SPDYE5: variants seen among roughly 807,000 people sequenced by gnomAD.
The protein encoded by SPDYE5 is speedy/RINGO cell cycle regulator family member E5.
Under a neutral mutation model 48.5 loss-of-function variants are expected in SPDYE5, and 15 were observed. That is an observed-to-expected ratio of 0.31 (90% confidence interval 0.21 to 0.48). SPDYE5 has a LOEUF of 0.48. SPDYE5 is among the 20% of genes least tolerant of loss of function. The probability of loss-of-function intolerance (pLI) is 0.99; values close to 1 mark genes in which losing one functional copy is unlikely to be tolerated. For missense variants in SPDYE5, 331 were observed against 549.1 expected, an observed-to-expected ratio of 0.60 and a Z score of 3.97; for synonymous variants, 116 against 200.7, an observed-to-expected ratio of 0.58 and a Z score of 3.57.
At chr7:75,501,778 G>A in intron 7 of SPDYE5, 23 bp downstream of exon 7, 2 of 846,836 alleles carry the variant, frequency 2.4e-6, no homozygotes. Context: ...TGGGGAGGTG[G>A]AGGAGGTGGG....
At chr7:75,494,573 A>G (rs1436254568) in intron 2 of SPDYE5, among the ~76,000 whole-genome samples, 1 of 150,316 alleles carries the variant, frequency 6.7e-6, no homozygotes, top group Non-Finnish European at 1.5e-5. Flanking sequence ...GGAGAACCTG[A>G]GGAGGGTGTG....
intron 6 of SPDYE5, among the ~76,000 whole-genome samples, chr7:75,500,765 G>A (rs1183261418): frequency 4.6e-5 from 7 of 152,180 alleles, no homozygotes; most frequent in Non-Finnish European, 1.0e-4. Flanking sequence ...CTGGAATGGA[G>A]TGGCCCAATC....
chr7:75,498,344 G>A (rs1584740045), intron 5 of SPDYE5, among the ~76,000 whole-genome samples: 1 of 151,788 alleles, frequency 6.6e-6, no homozygotes, highest in African/African-American at 2.4e-5. Flanking sequence ...GGTTGGTCCT[G>A]AACACCTGAC....
intron 1 of SPDYE5, among the ~76,000 whole-genome samples, chr7:75,492,721 GAGCCAC>G (rs1792780571): frequency 2.0e-5 from 3 of 152,138 alleles, no homozygotes; most frequent in Non-Finnish European, 4.4e-5. Context: ...TTACAGGCAT[GAGCCAC>G]TGAGCCCAGC....
Position 75,494,119 on chromosome 7 carries a change from G to T in SPDYE5, c.72G>T (p.Pro24=). 2 of 1,535,400 alleles carry T rather than the reference G, an allele frequency of 1.3e-6. No individual in the cohort carries two copies. The highest frequency in any genetic ancestry group is 1.7e-6 in the Non-Finnish European group (2 of 1,146,856). ...AAAAGATCACGACCAGCCGTCAACCGCAACCCCAGAATGAGCAGAGTCCCC... is the reference window on the plus strand; with the variant it reads ...AAAAGATCACGACCAGCCGTCAACCTCAACCCCAGAATGAGCAGAGTCCCC... The part of the protein sequence containing the change: ...ITEKITTSRQ[P]QPQNEQSPQR... Residue 24 remains proline (P), a synonymous_variant, in exon 2 of 9, where the codon CCG becomes CCT. Coordinates refer to ENST00000625065, the MANE Select transcript of SPDYE5 (RefSeq NM_001306141.4).
rs587675781 is a variant in SPDYE5 at position 75,494,012 on chromosome 7, A to G, written c.-36A>G. Reference sequence around the variant, plus strand: ...TCCTAGGCTTGAGAATTGATAACATACTCTTCTGGATCCTAGCAGTGATCA... The same window carrying G: ...TCCTAGGCTTGAGAATTGATAACATGCTCTTCTGGATCCTAGCAGTGATCA... On this transcript the variant is annotated 5_prime_UTR_variant, in exon 2 of 9. The change creates a new upstream start codon in the 5' untranslated region. Coordinates refer to ENST00000625065, the MANE Select transcript of SPDYE5 (RefSeq NM_001306141.4). 3,089 of 1,409,242 alleles carry G rather than the reference A, an allele frequency of 2.2e-3. 75 individuals carry two copies. In the African/African-American group the frequency reaches 0.04, roughly 18 times the overall value. 87.3% of individuals were successfully genotyped at this position (1,409,242 alleles called of 1,614,324 possible). A position where few individuals can be genotyped will look rare whatever the true frequency, so the allele number is the denominator to read the frequency against.
intron 1 of SPDYE5, among the ~76,000 whole-genome samples, 103 bp downstream of exon 1, chr7:75,492,544 T>C (rs1792773880): frequency 6.6e-6 from 1 of 151,972 alleles, no homozygotes; most frequent in South Asian, 2.1e-4. Context: ...GTTCAAGTGA[T>C]TCTCCAGCTC....
At chr7:75,495,641 G>C (rs1392406111) in intron 3 of SPDYE5, among the ~76,000 whole-genome samples, 2 of 152,244 alleles carry the variant, frequency 1.3e-5, no homozygotes, top group Non-Finnish European at 2.9e-5. Context: ...CACGTTGGGA[G>C]GCTGAGGCAA....
chr7:75,496,588 G>A (rs1372572884), intron 3 of SPDYE5, 86 bp from the exon 4 acceptor site: 114 of 1,589,480 alleles, frequency 7.2e-5, no homozygotes, highest in Non-Finnish European at 8.9e-5. Context: ...GGCTGGGGAG[G>A]ATGGAGAGTG....
At position 75,494,297 on chromosome 7, in the gene SPDYE5, G is replaced by C. The variant is rs1265911520; in HGVS notation, c.160+90G>C. On this transcript the variant is annotated intron_variant, in intron 2 of 8. Coordinates refer to ENST00000625065, the MANE Select transcript of SPDYE5 (RefSeq NM_001306141.4). The stretch of plus-strand genomic sequence containing the variant: ...GCGGTGGCTCACGCCTGTAACCCCA[G>C]CACTTTGGGAGGCCGAGGCGGGCGG... 4.7e-6 allele frequency: 7 copies of C among 1,497,650 alleles called. No individual in the cohort carries two copies. The African/African-American group carries it at 6.9e-5, about 15-fold the overall frequency. The allele number at this position is 1,497,650 out of a possible 1,614,324, so 92.8% of individuals were successfully genotyped here.
intron 8 of SPDYE5, among the ~76,000 whole-genome samples, chr7:75,502,287 G>T (rs782126268): frequency 0.91 from 125,203 of 137,554 alleles, 57,049 homozygotes; most frequent in East Asian, 0.96. Context: ...ATACTGAGTT[G>T]GGGGAGGTTC....
chr7:75,492,215 T>C (rs1228511391), upstream of SPDYE5, among the ~76,000 whole-genome samples: 2 of 152,154 alleles, frequency 1.3e-5, no homozygotes, highest in Non-Finnish European at 2.9e-5. Flanking sequence ...GCCTGTTAAC[T>C]AGGAGAGAGA....
rs782625878 is a variant in SPDYE5, at chr7:75,501,750, G to C, written c.1144G>C (p.Glu382Gln). Reference protein sequence around the residue: ...GRAWVSPEELEEIQAYDPEHW... With the variant: ...GRAWVSPEELQEIQAYDPEHW... ...GGCTTGGGTTTCCCCGGAGGAGTTG[G>C]AGGAGGTAGGTGGGGCCTGGGGAGG... Residue 382 changes from glutamate to glutamine, a missense_variant, in exon 7 of 9, where the codon GAG becomes CAG. Glu to Gln is a conservative substitution (Grantham distance 29, BLOSUM62 2). This residue lies in a region of SPDYE5 where 101 missense variants were observed against 104.0 expected (regional missense o/e 0.97). Coordinates refer to ENST00000625065, the MANE Select transcript of SPDYE5 (RefSeq NM_001306141.4). 4 of 1,610,320 alleles carry C rather than the reference G, an allele frequency of 2.5e-6. No homozygotes were observed. The highest frequency in any genetic ancestry group is 1.9e-4 in the Middle Eastern group (1 of 5,274).
intron 4 of SPDYE5, among the ~76,000 whole-genome samples, chr7:75,497,591 C>T (rs1333978120): frequency 1.4e-5 from 2 of 140,804 alleles, no homozygotes; most frequent in East Asian, 3.9e-4. Flanking sequence ...ATACCAAGGC[C>T]ATGGTCACAC....
At position 75,495,362 on chromosome 7, in the gene SPDYE5, A is replaced by G; in HGVS notation, c.367A>G (p.Asn123Asp). 4 of 1,597,634 alleles carry G rather than the reference A, an allele frequency of 2.5e-6. No homozygotes were observed. Among genetic ancestry groups the G allele is most frequent in the Non-Finnish European group, 3.4e-6 (4 of 1,179,918 alleles). Residue 123 changes from asparagine (N) to aspartate (D), a missense_variant, in exon 3 of 9, where the codon AAC becomes GAC. Transcript: ENST00000625065. ...CCTCCCTGAGCACCACAAGGGCTTC[A>G]ACAGTCAGCTTGGTAGGAGGACACC... ...PILPEHHKGF[N>D]SQLAPGVDPS...
intron 1 of SPDYE5, among the ~76,000 whole-genome samples, chr7:75,492,671 T>C (rs1455890549): frequency 6.6e-6 from 1 of 152,156 alleles, no homozygotes; most frequent in Non-Finnish European, 1.5e-5. Context: ...ACTCCTGACG[T>C]CAAGTGATCC....
At chr7:75,494,504 G>A (rs1223119958) in intron 2 of SPDYE5, among the ~76,000 whole-genome samples, 4 of 133,266 alleles carry the variant, frequency 3.0e-5, no homozygotes, top group Non-Finnish European at 6.3e-5. Flanking sequence ...CTGAGATCAC[G>A]CTACTGCACT....
chr7:75,502,154 T>C (rs1793183565), intron 8 of SPDYE5, among the ~76,000 whole-genome samples, 172 bp downstream of exon 8: 1 of 151,932 alleles, frequency 6.6e-6, no homozygotes, highest in East Asian at 1.9e-4. Flanking sequence ...TCCCAACTAC[T>C]CAGGAGGCTG....
chr7:75,492,806 AT>A (rs1268282488), intron 1 of SPDYE5, among the ~76,000 whole-genome samples: 5 of 147,886 alleles, frequency 3.4e-5, no homozygotes, highest in African/African-American at 1.3e-4. Flanking sequence ...ATCAAAAAAA[AT>A]TTTTTTGACA....
Sources: allele counts gnomAD v4.1 joint callset (sites outside exome capture counted in the v4.1 genomes callset), GRCh38; gene constraint gnomAD v4.1.1; regional missense constraint gnomAD v4.1.1; transcripts MANE v1.5; gene names NCBI Gene and HGNC (gene_info 2026-07-23, HGNC 2026-07-21).